Variants in PPP1R3A observed in about 807,000 individuals in gnomAD.
The protein encoded by PPP1R3A is protein phosphatase 1 regulatory subunit 3A.
In PPP1R3A, 29 loss-of-function variants were observed where a neutral mutation model predicts 41.7. The observed-to-expected ratio is 0.70, with a 90% CI of 0.52 to 0.95. The LOEUF is 0.95. Ranked by LOEUF, PPP1R3A falls within the 40% of genes least tolerant of loss-of-function variation. The pLI, the probability that PPP1R3A is intolerant of heterozygous loss-of-function variation, is 0.00. For missense variants in PPP1R3A, 1,352 were observed against 1,292.4 expected, an observed-to-expected ratio of 1.05 and a Z score of -0.71; for synonymous variants, 485 against 453.4, an observed-to-expected ratio of 1.07 and a Z score of -0.89.
At chr7:113,911,419 G>T (rs543377797) in intron 1 of PPP1R3A, among the ~76,000 whole-genome samples, 1 of 152,002 alleles carries the variant, frequency 6.6e-6, no homozygotes, top group African/African-American at 2.4e-5. Flanking sequence ...AGGAATGACC[G>T]AAATTTGATG....
intron 1 of PPP1R3A, among the ~76,000 whole-genome samples, chr7:113,917,377 C>G (rs191984115): frequency 6.6e-6 from 1 of 152,116 alleles, no homozygotes; most frequent in African/African-American, 2.4e-5. Flanking sequence ...CTCTACTTAC[C>G]TAGTGTCACA....
At chr7:113,887,037 C>T (rs1359014394) in intron 1 of PPP1R3A, among the ~76,000 whole-genome samples, 1 of 152,094 alleles carries the variant, frequency 6.6e-6, no homozygotes, top group Non-Finnish European at 1.5e-5. Flanking sequence ...CGTCTCCACC[C>T]TCCCTTCTCC....
At position 113,878,659 on chromosome 7, in the gene PPP1R3A, A is replaced by G. The variant is rs1052184386; in HGVS notation, c.2433T>C (p.Asn811=). The change falls in exon 4 of 4, where the codon AAT becomes AAC. Residue 811 remains asparagine, a synonymous_variant. Transcript: ENST00000284601. ...CCTTCTCCATTTCATCTACACGTACATTACAAATACCTAAACGTGATTCCT... is the reference window on the plus strand; with the variant it reads ...CCTTCTCCATTTCATCTACACGTACGTTACAAATACCTAAACGTGATTCCT... ...FEKESRLGIC[N]VRVDEMEKEE... is the part of the protein sequence containing the mutation. 3 of 1,613,348 alleles carry G rather than the reference A, an allele frequency of 1.9e-6. No homozygotes were observed. Among genetic ancestry groups the G allele is most frequent in the Non-Finnish European group, 2.5e-6 (3 of 1,179,702 alleles).
intron 1 of PPP1R3A, 109 bp from the exon 2 acceptor site, chr7:113,882,429 G>A (rs1796710180): frequency 6.0e-6 from 4 of 664,524 alleles, no homozygotes; most frequent in African/African-American, 3.7e-5. Context: ...ACATTATATA[G>A]CCTTTCTTAT....
intron 3 of PPP1R3A, 146 bp downstream of exon 3, chr7:113,881,893 C>A: frequency 1.1e-6 from 1 of 875,006 alleles, no homozygotes; most frequent in Non-Finnish European, 1.8e-6. Context: ...CCTTGTTGAT[C>A]AAGCTAGAGA....
At chr7:113,910,039 G>T (rs535762264) in intron 1 of PPP1R3A, among the ~76,000 whole-genome samples, 13 of 152,088 alleles carry the variant, frequency 8.5e-5, no homozygotes, top group African/African-American at 3.1e-4. Flanking sequence ...AAGAAGCGAA[G>T]GCACATCTTA....
Position 113,879,617 on chromosome 7 carries a change from T to A in PPP1R3A, c.1475A>T (p.Asp492Val), listed in dbSNP as rs1796647448. Residue 492 changes from aspartate to valine, a missense_variant, in exon 4 of 4, where the codon GAT becomes GTT. Asp to Val is a radical substitution (Grantham distance 152). Transcript: ENST00000284601. ...TGATTCTTTGAGACATGCCGACGTA[T>A]CTGAATGGAAATCTCTTCGTAAACA... The part of the protein sequence containing the change: ...LGCLRRDFHS[D>V]TSACLKESTE... 1 of 1,613,250 alleles carries A rather than the reference T, an allele frequency of 6.2e-7. No homozygotes were observed. The highest frequency in any genetic ancestry group is 1.7e-5 in the Admixed American group (1 of 59,806).
Position 113,878,673 on chromosome 7 carries a change from A to C in PPP1R3A, c.2419T>G (p.Leu807Val). 6.2e-7 allele frequency: 1 copy of C among 1,613,348 alleles called. No homozygotes were observed. The highest frequency in any genetic ancestry group is 1.1e-5 in the South Asian group (1 of 91,064). ...YDNDFEKESRLGICNVRVDEM... is the reference protein window; with the variant it reads ...YDNDFEKESRVGICNVRVDEM... ...TCTACACGTACATTACAAATACCTAAACGTGATTCCTTTTCAAAATCATTG... is the reference window on the plus strand; with the variant it reads ...TCTACACGTACATTACAAATACCTACACGTGATTCCTTTTCAAAATCATTG... Residue 807 changes from leucine to valine, a missense_variant, in exon 4 of 4, where the codon TTA becomes GTA. Coordinates refer to ENST00000284601, the MANE Select transcript of PPP1R3A (RefSeq NM_002711.4).
chr7:113,892,522 C>T (rs1009370075), intron 1 of PPP1R3A, among the ~76,000 whole-genome samples: 33 of 152,164 alleles, frequency 2.2e-4, no homozygotes, highest in African/African-American at 7.5e-4. Context: ...TAGCCAACTA[C>T]TACAGCTTAA....
intron 1 of PPP1R3A, among the ~76,000 whole-genome samples, chr7:113,896,914 G>A (rs763108908): frequency 6.6e-6 from 1 of 151,744 alleles, no homozygotes; most frequent in Non-Finnish European, 1.5e-5. Flanking sequence ...TGAACTAACC[G>A]TCTATGAAGA....
intron 1 of PPP1R3A, among the ~76,000 whole-genome samples, chr7:113,893,056 C>A (rs1042069768): frequency 6.6e-6 from 1 of 151,922 alleles, no homozygotes; most frequent in African/African-American, 2.4e-5. Context: ...GATAAAGGGA[C>A]TTCCTTGCTG....
chr7:113,897,635 A>C (rs1796998873), intron 1 of PPP1R3A, among the ~76,000 whole-genome samples: 2 of 151,602 alleles, frequency 1.3e-5, no homozygotes, highest in Admixed American at 1.3e-4. Flanking sequence ...ACCATCTTAT[A>C]TTCGCTGGAG....
rs138812345 is a variant in PPP1R3A at position 113,879,875 on chromosome 7, T to G, written c.1217A>C (p.Glu406Ala). ...SGDDCTHQPS[E>A]ETTSNMGEIK... ...TTCTCCCATATTTGAAGTAGTTTCC[T>G]CTGAAGGTTGATGTGTACAGTCATC... The change falls in exon 4 of 4, where the codon GAG becomes GCG. Residue 406 changes from glutamate to alanine, a missense_variant. By Grantham distance (107) the Glu-to-Ala change is moderately radical. Coordinates refer to ENST00000284601, the MANE Select transcript of PPP1R3A (RefSeq NM_002711.4). 381 of 1,613,660 alleles carry G rather than the reference T, an allele frequency of 2.4e-4. 2 individuals carry two copies. The African/African-American group carries it at 4.3e-3, about 18-fold the overall frequency.
intron 1 of PPP1R3A, among the ~76,000 whole-genome samples, chr7:113,887,204 T>C (rs905329203): frequency 1.3e-5 from 2 of 152,094 alleles, no homozygotes; most frequent in Non-Finnish European, 2.9e-5. Flanking sequence ...TGTTTTCAAT[T>C]ATGGAGTCAA....
chr7:113,899,673 A>C (rs886551893), intron 1 of PPP1R3A, among the ~76,000 whole-genome samples: 1 of 151,768 alleles, frequency 6.6e-6, no homozygotes, highest in African/African-American at 2.4e-5. Flanking sequence ...CTTTGTGCAC[A>C]TTGGAGTAGT....
intron 1 of PPP1R3A, among the ~76,000 whole-genome samples, chr7:113,899,951 T>C (rs1797036326): frequency 6.6e-6 from 1 of 151,788 alleles, no homozygotes. Context: ...TAATCAAACA[T>C]GCTAGCATTA....
At chr7:113,888,362 A>G (rs1359153931) in intron 1 of PPP1R3A, among the ~76,000 whole-genome samples, 2 of 152,168 alleles carry the variant, frequency 1.3e-5, no homozygotes, top group Non-Finnish European at 2.9e-5. Context: ...CATTTCAGGC[A>G]CAAAATGATA....
chr7:113,889,565 A>G (rs1796843306), intron 1 of PPP1R3A, among the ~76,000 whole-genome samples: 1 of 152,168 alleles, frequency 6.6e-6, no homozygotes, highest in South Asian at 2.1e-4. Context: ...TTACAATATC[A>G]TTGCACAAAG....
chr7:113,915,072 G>A (rs956578327), intron 1 of PPP1R3A, among the ~76,000 whole-genome samples: 2 of 151,946 alleles, frequency 1.3e-5, no homozygotes, highest in Non-Finnish European at 2.9e-5. Flanking sequence ...ATGCCTTTCG[G>A]TGCAATTAAA....
Sources: gnomAD v4.1 joint callset for allele counts (sites outside exome capture counted in the v4.1 genomes callset) on GRCh38, gnomAD v4.1.1 for gene constraint, MANE v1.5 for transcripts, NCBI Gene and HGNC (gene_info 2026-07-23, HGNC 2026-07-21) for gene names.